The following CDKAL1 variants were observed in gnomAD, a reference collection of about 807,000 sequenced individuals.
CDKAL1 encodes CDKAL1 threonylcarbamoyladenosine tRNA methylthiotransferase.
CDKAL1 carries 32 observed loss-of-function variants against 68.2 expected under a neutral mutation model. The observed-to-expected ratio is 0.47, with a 90% CI of 0.35 to 0.63. The LOEUF (loss-of-function observed/expected upper bound fraction) is 0.63, where lower values mean the gene tolerates loss of function less well. Among genes scored for constraint, CDKAL1 ranks in the 30% least tolerant of loss-of-function variants. The pLI, the probability that CDKAL1 is intolerant of heterozygous loss-of-function variation, is 0.00. For missense variants in CDKAL1, 606 were observed against 696.7 expected (o/e 0.87, Z 1.47); for synonymous variants, 234 against 244.3 (o/e 0.96, Z 0.39).
At chr6:21,188,842 T>C (rs926549999) in intron 13 of CDKAL1, among the ~76,000 whole-genome samples, 1 of 152,120 alleles carries the variant, frequency 6.6e-6, no homozygotes, top group African/African-American at 2.4e-5. Context: ...CAAAAAGCTT[T>C]ATAGGCAATA....
chr6:20,686,345 C>G (rs1255496422), intron 5 of CDKAL1, among the ~76,000 whole-genome samples: 2 of 152,066 alleles, frequency 1.3e-5, no homozygotes, highest in African/African-American at 4.8e-5. Context: ...AGCTGCTCCC[C>G]CTTGCTTGCA....
chr6:21,158,105 T>C (rs1198337617), intron 13 of CDKAL1, among the ~76,000 whole-genome samples: 3 of 152,252 alleles, frequency 2.0e-5, no homozygotes, highest in East Asian at 3.8e-4. Context: ...ATGCTTTACA[T>C]GTGTTTATAA....
chr6:21,084,438 G>A (rs905575809), intron 12 of CDKAL1, among the ~76,000 whole-genome samples: 1 of 152,174 alleles, frequency 6.6e-6, no homozygotes, highest in Non-Finnish European at 1.5e-5. Flanking sequence ...TGTGGGTTAA[G>A]AGAAGCTAGG....
intron 11 of CDKAL1, among the ~76,000 whole-genome samples, chr6:21,017,328 C>T (rs1170266987): frequency 6.6e-6 from 1 of 152,180 alleles, no homozygotes; most frequent in Non-Finnish European, 1.5e-5. Flanking sequence ...GTGGAGACTT[C>T]AGAATCTTGT....
chr6:20,988,601 TA>T (rs1766613952), intron 10 of CDKAL1, among the ~76,000 whole-genome samples: 1 of 152,050 alleles, frequency 6.6e-6, no homozygotes, highest in East Asian at 1.9e-4. Flanking sequence ...ACCATGGAGT[TA>T]GGGGGGAAAA....
At chr6:20,636,908 A>C (rs922824779) in intron 4 of CDKAL1, among the ~76,000 whole-genome samples, 3 of 151,716 alleles carry the variant, frequency 2.0e-5, no homozygotes, top group Non-Finnish European at 4.4e-5. Context: ...ATGGTGGTGT[A>C]TGCCTGTAAT....
chr6:20,580,585 A>T (rs1023924393), intron 4 of CDKAL1, among the ~76,000 whole-genome samples: 1 of 151,928 alleles, frequency 6.6e-6, no homozygotes, highest in African/African-American at 2.4e-5. Flanking sequence ...CTTACTTTTT[A>T]CTTCTGTTTG....
At chr6:21,137,624 T>C (rs1775677251) in intron 13 of CDKAL1, among the ~76,000 whole-genome samples, 1 of 152,178 alleles carries the variant, frequency 6.6e-6, no homozygotes, top group Non-Finnish European at 1.5e-5. Flanking sequence ...TTTAAAACAA[T>C]CATTTCATTA....
intron 6 of CDKAL1, among the ~76,000 whole-genome samples, chr6:20,744,502 G>T (rs1015263010): frequency 1.3e-5 from 2 of 152,114 alleles, no homozygotes; most frequent in African/African-American, 4.8e-5. Context: ...CTTACGTTCT[G>T]GTTCTTAGGG....
chr6:20,584,415 T>C (rs116261315), intron 4 of CDKAL1, among the ~76,000 whole-genome samples: 1,670 of 152,202 alleles, frequency 0.011, 30 homozygotes, highest in African/African-American at 0.036. Context: ...TAGTCACCAT[T>C]TTGGGATATT....
chr6:20,841,908 C>G (rs988352383), intron 8 of CDKAL1, among the ~76,000 whole-genome samples: 1 of 152,200 alleles, frequency 6.6e-6, no homozygotes, highest in Admixed American at 6.5e-5. Flanking sequence ...TAGCTTTATC[C>G]TTGCATCAGG....
chr6:20,799,488 T>C (rs1776277226), intron 8 of CDKAL1, among the ~76,000 whole-genome samples: 1 of 13,054 alleles, frequency 7.7e-5, no homozygotes, highest in Non-Finnish European at 1.5e-4. Flanking sequence ...TGTATACCAC[T>C]AAAATAATAA....
chr6:20,730,438 G>GAGAA (rs141729964), intron 5 of CDKAL1, among the ~76,000 whole-genome samples: 21,959 of 145,180 alleles, frequency 0.15, 1,829 homozygotes, highest in East Asian at 0.41. Flanking sequence ...AAGAAAGAAA[G>GAGAA]AGAAAGAAAA....
intron 5 of CDKAL1, among the ~76,000 whole-genome samples, chr6:20,689,314 C>T (rs1007423280): frequency 3.3e-5 from 5 of 152,194 alleles, no homozygotes; most frequent in African/African-American, 7.2e-5. Flanking sequence ...GTTGTCCACA[C>T]TGAGCCTCCA....
At chr6:20,803,112 C>T (rs1053064017) in intron 8 of CDKAL1, among the ~76,000 whole-genome samples, 2 of 152,064 alleles carry the variant, frequency 1.3e-5, no homozygotes, top group African/African-American at 4.8e-5. Flanking sequence ...ATTGTGAAAA[C>T]TTTTTTACTT....
chr6:20,560,297 G>T (rs80258925), intron 4 of CDKAL1, among the ~76,000 whole-genome samples: 3,298 of 152,130 alleles, frequency 0.022, 115 homozygotes, highest in African/African-American at 0.073. Flanking sequence ...TGGACAAATT[G>T]ACCCTTTCAG....
chr6:20,681,853 A>G (rs1479243824), intron 5 of CDKAL1, among the ~76,000 whole-genome samples: 1 of 152,208 alleles, frequency 6.6e-6, no homozygotes, highest in African/African-American at 2.4e-5. Context: ...ACAAAATACC[A>G]TAGAGCAGGT....
chr6:20,538,452 T>C (rs1475066065), intron 2 of CDKAL1, among the ~76,000 whole-genome samples: 2 of 152,200 alleles, frequency 1.3e-5, no homozygotes, highest in Admixed American at 1.3e-4. Flanking sequence ...ATCCTTTTGC[T>C]TCAGTGGACT....
At position 20,986,637 on chromosome 6, in the gene CDKAL1, T is replaced by C. The variant is rs549427221; in HGVS notation, c.910-13590T>C. ...AGGACTTTAACAAAATGTGTAGTAATTGGTATATTTAATAAAAAAAAAAAA... is the reference window on the plus strand; with the variant it reads ...AGGACTTTAACAAAATGTGTAGTAACTGGTATATTTAATAAAAAAAAAAAA... On this transcript the variant is annotated intron_variant, in intron 10 of 15. Transcript: ENST00000274695. 2.0e-4 allele frequency among the ~76,000 whole-genome samples: 19 copies of C among 93,486 alleles called. No homozygotes were observed. In the South Asian group the frequency reaches 6.7e-3, roughly 33 times the overall value. 61.3% of individuals were successfully genotyped at this position (93,486 alleles called of 152,430 possible). A position where few individuals can be genotyped will look rare whatever the true frequency, so the allele number is the denominator to read the frequency against.
Sources: allele counts gnomAD v4.1 joint callset (sites outside exome capture counted in the v4.1 genomes callset), GRCh38; gene constraint gnomAD v4.1.1; transcripts MANE v1.5; gene names NCBI Gene and HGNC (gene_info 2026-07-23, HGNC 2026-07-21).